The following PRICKLE2 variants were observed in gnomAD, a reference collection of about 807,000 sequenced individuals.
PRICKLE2 encodes the protein prickle planar cell polarity protein 2, also known as prickle-like protein 2.
Under a neutral mutation model 81.4 loss-of-function variants are expected in PRICKLE2, and 21 were observed. That is an observed-to-expected ratio of 0.26 (90% CI 0.18 to 0.37). PRICKLE2 has a LOEUF of 0.37. PRICKLE2 is among the 10% of genes least tolerant of loss of function. The pLI is 1.00. For synonymous variants in PRICKLE2, 456 were observed against 421.5 expected, an observed-to-expected ratio of 1.08 and a Z score of -1.00; for missense variants, 940 against 1,109.0, an observed-to-expected ratio of 0.85 and a Z score of 2.16.
chr3:64,135,056 C>T (rs536169809), intron 7 of PRICKLE2, among the ~76,000 whole-genome samples: 5 of 152,284 alleles, frequency 3.3e-5, no homozygotes, highest in African/African-American at 1.2e-4. Flanking sequence ...AGCTCAATGT[C>T]AGAATCAGAA....
At chr3:64,175,522 C>T (rs962437844) in intron 2 of PRICKLE2, among the ~76,000 whole-genome samples, 2 of 152,042 alleles carry the variant, frequency 1.3e-5, no homozygotes, top group Non-Finnish European at 2.9e-5. Context: ...TCAAGGGTCC[C>T]GAAATTTTCT....
intron 2 of PRICKLE2, among the ~76,000 whole-genome samples, chr3:64,184,440 G>T (rs992838736): frequency 2.0e-5 from 3 of 152,160 alleles, no homozygotes; most frequent in Admixed American, 6.6e-5. Context: ...TCATATTTCA[G>T]CAGAGCTGTT....
chr3:64,149,962 A>G (rs2077517662), intron 6 of PRICKLE2, among the ~76,000 whole-genome samples: 1 of 138,964 alleles, frequency 7.2e-6, no homozygotes, highest in Admixed American at 7.8e-5. Context: ...AACTGAATCA[A>G]CTCCATCTTT....
At chr3:64,151,859 C>T (rs1019453120) in intron 6 of PRICKLE2, among the ~76,000 whole-genome samples, 9 of 152,144 alleles carry the variant, frequency 5.9e-5, no homozygotes, top group Non-Finnish European at 1.2e-4. Flanking sequence ...GTTGAAGCAA[C>T]AGGCTGTGAG....
At chr3:64,135,035 G>A (rs1045317560) in intron 7 of PRICKLE2, among the ~76,000 whole-genome samples, 1 of 152,206 alleles carries the variant, frequency 6.6e-6, no homozygotes, top group African/African-American at 2.4e-5. Context: ...GCTAGGGATG[G>A]TCTCACCAAA....
chr3:64,259,510 C>A (rs981762466), intron 2 of PRICKLE2, among the ~76,000 whole-genome samples: 1 of 152,120 alleles, frequency 6.6e-6, no homozygotes, highest in Non-Finnish European at 1.5e-5. Flanking sequence ...AATGTGCCTC[C>A]GTGGTAGGTT....
intron 1 of PRICKLE2, chr3:64,199,261 T>C (rs1410495217): frequency 3.7e-6 from 2 of 543,000 alleles, no homozygotes; most frequent in Admixed American, 6.5e-5. Context: ...GGAATGGTAA[T>C]ATAGTTTTTA....
At chr3:64,118,013 C>T (rs1332000522) in intron 7 of PRICKLE2, among the ~76,000 whole-genome samples, 1 of 152,072 alleles carries the variant, frequency 6.6e-6, no homozygotes, top group East Asian at 1.9e-4. Flanking sequence ...ACACATAGAC[C>T]AATGGAACAG....
At chr3:64,219,309 G>C (rs959988013) in intron 1 of PRICKLE2, among the ~76,000 whole-genome samples, 3 of 152,200 alleles carry the variant, frequency 2.0e-5, no homozygotes, top group Non-Finnish European at 4.4e-5. Context: ...AAAGAACTGA[G>C]GCTCAGAAAA....
chr3:64,110,722 T>C (rs1559513583), intron 7 of PRICKLE2, among the ~76,000 whole-genome samples: 3 of 151,702 alleles, frequency 2.0e-5, no homozygotes, highest in African/African-American at 7.3e-5. Context: ...TGCCACGAGC[T>C]CTAAGATGTA....
chr3:64,251,681 G>A (rs2079449092), intron 2 of PRICKLE2, among the ~76,000 whole-genome samples: 1 of 152,186 alleles, frequency 6.6e-6, no homozygotes, highest in Non-Finnish European at 1.5e-5. Context: ...TCACACCTAG[G>A]TGTCTCTTAT....
intron 2 of PRICKLE2, among the ~76,000 whole-genome samples, chr3:64,183,409 C>T (rs1387931419): frequency 6.6e-6 from 1 of 151,880 alleles, no homozygotes. Flanking sequence ...AGGAATGTTA[C>T]AAAAGAATAA....
intron 7 of PRICKLE2, chr3:64,146,163 C>T (rs902877300): frequency 1.3e-5 from 2 of 152,720 alleles, no homozygotes; most frequent in African/African-American, 4.8e-5. Context: ...TCACAAGAAG[C>T]AATTGATTCT....
rs149786687 is a variant in PRICKLE2 at position 64,157,324 on chromosome 3, C to T, written c.438G>A (p.Ala146=). Reference sequence around the variant, plus strand: ...AGCAAACGCCGTGGCCAGCGCGTGACGCAAACACAGCGATGTCTCCACCAT... The same window carrying T: ...AGCAAACGCCGTGGCCAGCGCGTGATGCAAACACAGCGATGTCTCCACCAT... The part of the protein sequence containing the change: ...QINGGDIAVF[A]SRAGHGVCWH... The change falls in exon 5 of 8, where the codon GCG becomes GCA. Residue 146 remains alanine (A), a synonymous_variant. Transcript: ENST00000638394. 3.3e-4 allele frequency: 535 copies of T among 1,613,850 alleles called. 1 individual carries two copies. Among genetic ancestry groups the T allele is most frequent in the African/African-American group, 3.1e-3 (235 of 75,052 alleles).
chr3:64,256,321 C>T (rs1050308424), intron 2 of PRICKLE2, among the ~76,000 whole-genome samples: 2 of 152,110 alleles, frequency 1.3e-5, no homozygotes, highest in Non-Finnish European at 2.9e-5. Flanking sequence ...AAATGAATTC[C>T]ATTCTTCTCA....
chr3:64,127,730 G>A (rs1367485890), intron 7 of PRICKLE2, among the ~76,000 whole-genome samples: 3 of 151,694 alleles, frequency 2.0e-5, no homozygotes, highest in East Asian at 2.0e-4. Flanking sequence ...GTCAGCCCAC[G>A]GTGCCCTCCA....
rs774204532 is a variant in PRICKLE2, at chr3:64,163,003, T to A, written c.258+13A>T. 2 of 1,564,264 alleles carry A rather than the reference T, an allele frequency of 1.3e-6. No homozygotes were observed. The highest frequency in any genetic ancestry group is 3.3e-5 in the Admixed American group (2 of 59,948). The stretch of plus-strand genomic sequence containing the variant: ...CTAAGAAAATTCTGCATAAGCCCCC[T>A]CTAGCCCCTTACCTCATTGTCATGT... On this transcript the variant is annotated intron_variant, in intron 3 of 7. Coordinates refer to ENST00000638394, the MANE Select transcript of PRICKLE2 (RefSeq NM_198859.4).
At chr3:64,172,172 G>C (rs1333415981) in intron 2 of PRICKLE2, among the ~76,000 whole-genome samples, 1 of 152,158 alleles carries the variant, frequency 6.6e-6, no homozygotes, top group South Asian at 2.1e-4. Flanking sequence ...TTAAAGAAAA[G>C]GTTGCAGAAA....
At chr3:64,209,799 C>A (rs994780972) in intron 1 of PRICKLE2, among the ~76,000 whole-genome samples, 1 of 152,156 alleles carries the variant, frequency 6.6e-6, no homozygotes, top group African/African-American at 2.4e-5. Context: ...GATAAACCTG[C>A]CATTTACAGA....
Sources: allele counts gnomAD v4.1 joint callset (sites outside exome capture counted in the v4.1 genomes callset), GRCh38; gene constraint gnomAD v4.1.1; transcripts MANE v1.5; gene names NCBI Gene and HGNC (gene_info 2026-07-23, HGNC 2026-07-21).